Variants in ANKRD30A observed in about 807,000 individuals in gnomAD.
ANKRD30A encodes ankyrin repeat domain-containing protein 30A.
ANKRD30A carries 170 observed loss-of-function variants against 166.3 expected under a neutral mutation model. The observed-to-expected ratio is 1.02, with a 90% CI of 0.90 to 1.16. The LOEUF is 1.16. Among genes scored for constraint, ANKRD30A ranks in the 50% most tolerant of loss-of-function variants. The pLI is 0.00. For synonymous variants in ANKRD30A, 564 were observed against 508.9 expected, an observed-to-expected ratio of 1.11 and a Z score of -1.46; for missense variants, 1,630 against 1,518.0, an observed-to-expected ratio of 1.07 and a Z score of -1.23.
chr10:37,255,831 T>C, the ANKRD30A span, among the ~76,000 whole-genome samples: 1 of 152,252 alleles, frequency 6.6e-6, no homozygotes, highest in East Asian at 1.9e-4. Context: ...CTATTTCTGG[T>C]AATCTATGAT....
At chr10:37,129,576 C>T (rs1388757066) in intron 1 of ANKRD30A, among the ~76,000 whole-genome samples, 1 of 152,142 alleles carries the variant, frequency 6.6e-6, no homozygotes, top group Non-Finnish European at 1.5e-5. Flanking sequence ...CTGTGTTCAT[C>T]TTCATTTTGT....
At chr10:37,154,646 C>T (rs17606292) in intron 13 of ANKRD30A, among the ~76,000 whole-genome samples, 1 of 151,942 alleles carries the variant, frequency 6.6e-6, no homozygotes, top group Non-Finnish European at 1.5e-5. Context: ...ATGGGAAGAA[C>T]CAAGAGCACA....
At chr10:37,254,554 G>GT in the ANKRD30A span, among the ~76,000 whole-genome samples, 2 of 150,722 alleles carry the variant, frequency 1.3e-5, no homozygotes, top group Admixed American at 6.6e-5. Flanking sequence ...CTATTTTTAT[G>GT]TTTTTTTTCT....
chr10:37,200,691 A>C (rs1020223388), intron 30 of ANKRD30A, among the ~76,000 whole-genome samples: 1 of 152,060 alleles, frequency 6.6e-6, no homozygotes, highest in African/African-American at 2.4e-5. Flanking sequence ...TTTGTCAAAA[A>C]CTTGTTGCTG....
At chr10:37,202,401 G>A (rs983104469) in intron 31 of ANKRD30A, among the ~76,000 whole-genome samples, 52 of 152,136 alleles carry the variant, frequency 3.4e-4, no homozygotes, top group Non-Finnish European at 2.6e-4. Flanking sequence ...GGTACATAAC[G>A]AAATCAAGGC....
downstream of ANKRD30A, among the ~76,000 whole-genome samples, chr10:37,234,036 T>C (rs1206184999): frequency 6.6e-6 from 1 of 152,196 alleles, no homozygotes; most frequent in Non-Finnish European, 1.5e-5. Flanking sequence ...CTTTTTTAAC[T>C]ATAAAGAAAC....
chr10:37,254,438 G>A, the ANKRD30A span, among the ~76,000 whole-genome samples: 2 of 151,960 alleles, frequency 1.3e-5, no homozygotes, highest in East Asian at 3.9e-4. Flanking sequence ...TCTCCTTGTG[G>A]TTTTGATTTT....
chr10:37,198,548 C>T (rs937775335), intron 29 of ANKRD30A, among the ~76,000 whole-genome samples: 2 of 151,994 alleles, frequency 1.3e-5, no homozygotes, highest in Non-Finnish European at 2.9e-5. Context: ...CTTGTTCAAT[C>T]ATGCATTCCA....
the ANKRD30A span, among the ~76,000 whole-genome samples, chr10:37,244,515 C>A: frequency 9.9e-5 from 15 of 152,216 alleles, no homozygotes; most frequent in Non-Finnish European, 1.5e-4. Flanking sequence ...CAAGGACCTG[C>A]TATCCTCACT....
At chr10:37,198,386 T>C (rs1161698809) in intron 29 of ANKRD30A, among the ~76,000 whole-genome samples, 1 of 152,152 alleles carries the variant, frequency 6.6e-6, no homozygotes, top group African/African-American at 2.4e-5. Flanking sequence ...AATTCCATTT[T>C]ATGACAGTAC....
At chr10:37,231,377 G>A (rs1361214226) in intron 34 of ANKRD30A, 84 bp from the exon 35 acceptor site, 8 of 1,134,230 alleles carry the variant, frequency 7.1e-6, no homozygotes, top group Non-Finnish European at 1.0e-5. Context: ...CTTATAGAAG[G>A]GTTTTCTTTT....
chr10:37,130,224 A>G lies in ANKRD30A; in HGVS notation c.356A>G (p.Glu119Gly). The G allele has an allele frequency of 1.3e-6, 2 of 1,595,092 alleles. No individual in the cohort carries two copies. The highest frequency in any genetic ancestry group is 1.7e-6 in the Non-Finnish European group (2 of 1,171,900). ...TGACAGGCTCTACAATGCCATCAGG[A>G]GGCTTGTGCAAATATTCTGATAGAT... ...PLMKALQCHQEACANILIDSG... is the reference protein window; with the variant it reads ...PLMKALQCHQGACANILIDSG... Residue 119 changes from glutamate (E) to glycine (G), a missense_variant, in exon 3 of 36, where the codon GAG becomes GGG. Around this residue, in one of 4 missense-constraint regions of ANKRD30A, gnomAD observed 904 missense variants for 818.5 expected, o/e 1.10. Transcript: ENST00000361713.
intron 9 of ANKRD30A, among the ~76,000 whole-genome samples, chr10:37,148,295 A>G (rs189345529): frequency 3.9e-5 from 6 of 152,194 alleles, no homozygotes; most frequent in Admixed American, 3.3e-4. Context: ...AAAGCATTAT[A>G]TTCCTTTTAT....
chr10:37,248,240 G>A, the ANKRD30A span: 3 of 607,804 alleles, frequency 4.9e-6, no homozygotes, highest in Admixed American at 1.9e-5. Context: ...TCAACACAAG[G>A]GTAAATAAGG....
At chr10:37,218,638 A>G (rs1842720921) in intron 33 of ANKRD30A, among the ~76,000 whole-genome samples, 1 of 150,896 alleles carries the variant, frequency 6.6e-6, no homozygotes, top group African/African-American at 2.4e-5. Flanking sequence ...CAGAGTGTAA[A>G]CCCAATTTTC....
At position 37,191,911 on chromosome 10, in the gene ANKRD30A, C is replaced by T. The variant is rs1419949934; in HGVS notation, c.2513-1153C>T. Among the ~76,000 whole-genome samples the T allele has an allele frequency of 3.9e-5, 6 of 152,092 alleles. 1 individual carries two copies. Among genetic ancestry groups the T allele is most frequent in the African/African-American group, 4.8e-5 (2 of 41,456 alleles). On this transcript the variant is annotated intron_variant, in intron 25 of 35. Transcript: ENST00000361713. ...TCCGGAGGCTGAGACAAAAGAATGG[C>T]GTGAACCCGCGAGGCGGAGCTTGTG...
At chr10:37,167,864 G>T (rs958641783) in intron 19 of ANKRD30A, among the ~76,000 whole-genome samples, 14 of 138,358 alleles carry the variant, frequency 1.0e-4, no homozygotes, top group Non-Finnish European at 1.7e-4. Context: ...GAACTGTGTG[G>T]CTTCTCAATG....
intron 34 of ANKRD30A, among the ~76,000 whole-genome samples, chr10:37,222,087 C>T (rs573966244): frequency 2.0e-5 from 3 of 151,282 alleles, no homozygotes; most frequent in African/African-American, 7.3e-5. Context: ...TAAAAAGGAA[C>T]TTTATTGGGA....
At chr10:37,263,038 TGATTAAA>T in the ANKRD30A span, among the ~76,000 whole-genome samples, 1 of 152,156 alleles carries the variant, frequency 6.6e-6, no homozygotes, top group African/African-American at 2.4e-5. Context: ...TTATTGTTTA[TGATTAAA>T]GATTAAGTTT....
Sources: gnomAD v4.1 joint callset for allele counts (sites outside exome capture counted in the v4.1 genomes callset) on GRCh38, gnomAD v4.1.1 for gene constraint, gnomAD v4.1.1 regional missense constraint, MANE v1.5 for transcripts, NCBI Gene and HGNC (gene_info 2026-07-23, HGNC 2026-07-21) for gene names.